Variants in ELFN2 observed in about 807,000 individuals in gnomAD.
The protein encoded by ELFN2 is protein phosphatase 1 regulatory subunit 29.
A neutral mutation model predicts 45.5 loss-of-function variants in ELFN2; 17 were observed. The ratio of observed to expected loss-of-function variants is 0.37; its 90% CI spans 0.26 to 0.56. The LOEUF (loss-of-function observed/expected upper bound fraction) is 0.56. Ranked by LOEUF, ELFN2 falls within the 20% of genes least tolerant of loss-of-function variation. ELFN2 has a pLI of 0.77. For synonymous variants in ELFN2, 550 were observed against 551.5 expected (o/e 1.00, Z 0.04); for missense variants, 922 against 1,183.2 (o/e 0.78, Z 3.24).
intron 2 of ELFN2, among the ~76,000 whole-genome samples, chr22:37,380,176 C>T (rs1456142974): frequency 1.3e-5 from 2 of 152,140 alleles, no homozygotes; most frequent in South Asian, 2.1e-4. Flanking sequence ...TGCACTGCGG[C>T]GTGTGGGAGG....
intron 1 of ELFN2, among the ~76,000 whole-genome samples, chr22:37,422,564 G>C (rs916639389): frequency 1.4e-4 from 22 of 151,910 alleles, no homozygotes; most frequent in African/African-American, 5.1e-4. Context: ...AATTAGCCGG[G>C]TGTGGTGGTG....
intron 2 of ELFN2, among the ~76,000 whole-genome samples, chr22:37,403,374 G>T (rs1037830824): frequency 6.6e-6 from 1 of 151,906 alleles, no homozygotes; most frequent in Non-Finnish European, 1.5e-5. Context: ...AGAGGGCAGG[G>T]CCAGGCTCCT....
Position 37,375,625 on chromosome 22 carries a change from G to A in ELFN2, c.-91C>T, listed in dbSNP as rs779048764. 3.5e-6 allele frequency: 5 copies of A among 1,418,964 alleles called. No individual in the cohort carries two copies. The highest frequency in any genetic ancestry group is 1.5e-5 in the African/African-American group (1 of 68,760). The allele number at this position is 1,418,964 out of a possible 1,614,324, so 87.9% of individuals were successfully genotyped here. ...TGGCAGTACAGTCCTCCCTGGGGCC[G>A]CCACCATCTTGGGGGCGACCCCCAG... On this transcript the variant is annotated 5_prime_UTR_variant, in exon 3 of 3. Transcript: ENST00000402918.
At chr22:37,361,176 A>C (rs1015544766) in intron 1 of ELFN2, among the ~76,000 whole-genome samples, 2 of 152,186 alleles carry the variant, frequency 1.3e-5, no homozygotes, top group African/African-American at 4.8e-5. Flanking sequence ...ATGTAGAAGA[A>C]GACTTGTGAG....
chr22:37,345,026 C>T (rs1026768521), intron 1 of ELFN2, among the ~76,000 whole-genome samples: 7 of 152,212 alleles, frequency 4.6e-5, no homozygotes, highest in Non-Finnish European at 7.4e-5. Flanking sequence ...GCCACGCTCC[C>T]GTCAGTCCCT....
intron 2 of ELFN2, among the ~76,000 whole-genome samples, chr22:37,387,914 C>G (rs375926459): frequency 7.8e-4 from 119 of 152,086 alleles, no homozygotes; most frequent in African/African-American, 2.8e-3. Context: ...CTCACTCGTC[C>G]ATGTCCACCT....
chr22:37,405,873 G>A lies in ELFN2; in HGVS notation c.-463+11896C>T, dbSNP rs1011605759. 2.0e-4 allele frequency among the ~76,000 whole-genome samples: 31 copies of A among 151,670 alleles called. 1 individual carries two copies. The highest frequency in any genetic ancestry group is 6.8e-4 in the African/African-American group (28 of 41,308). On this transcript the variant is annotated intron_variant, in intron 2 of 2. Transcript: ENST00000402918. ...TGGTCCTGGGCAGGCACAATGGCTC[G>A]CGCTTGTCATCTGAGCACCTTGGGA...
At chr22:37,345,161 C>G (rs1930666796) in intron 1 of ELFN2, among the ~76,000 whole-genome samples, 1 of 152,236 alleles carries the variant, frequency 6.6e-6, no homozygotes, top group Admixed American at 6.5e-5. Context: ...CACCTTTCAT[C>G]CTGACACACT....
rs769288474 is a variant in ELFN2 at position 37,373,283 on chromosome 22, T to C, written c.2252A>G (p.Tyr751Cys). ...GGGGCTGGAGGAGTACCCTGAGTAG[T>C]AGTGTCTGGGGGAGAGCTGCGAGTA... ...STYSQLSPRH[Y>C]YSGYSSSPEY... The change falls in exon 3 of 3, where the codon TAC (tyrosine) becomes TGC (cysteine). Residue 751 changes from tyrosine (Y) to cysteine (C), a missense_variant. Tyr to Cys is a radical substitution (Grantham distance 194). Coordinates refer to ENST00000402918, the MANE Select transcript of ELFN2 (RefSeq NM_052906.5). 8 of 1,613,504 alleles carry C rather than the reference T, an allele frequency of 5.0e-6. No individual in the cohort carries two copies. The highest frequency in any genetic ancestry group is 1.3e-5 in the African/African-American group (1 of 74,890).
chr22:37,387,230 C>A (rs1931971339), intron 2 of ELFN2, among the ~76,000 whole-genome samples: 1 of 152,218 alleles, frequency 6.6e-6, no homozygotes, highest in Non-Finnish European at 1.5e-5. Context: ...GCTCCCACCC[C>A]CACCTTCAGC....
intron 1 of ELFN2, among the ~76,000 whole-genome samples, chr22:37,357,218 C>T (rs1266793520): frequency 2.0e-5 from 3 of 152,184 alleles, no homozygotes; most frequent in East Asian, 1.9e-4. Flanking sequence ...CTGTCAGCTG[C>T]CTTTTTAGGA....
chr22:37,353,270 G>C (rs1930867326), intron 1 of ELFN2: 1 of 151,098 alleles, frequency 6.6e-6, no homozygotes, highest in African/African-American at 2.4e-5. Flanking sequence ...GGGGAGCGGA[G>C]GAGCAGAGTC....
At chr22:37,403,316 C>CCA (rs1259789363) in intron 2 of ELFN2, among the ~76,000 whole-genome samples, 2 of 152,142 alleles carry the variant, frequency 1.3e-5, no homozygotes, top group African/African-American at 4.8e-5. Context: ...GACATCCCTA[C>CCA]CACCACCTTC....
At chr22:37,351,397 C>A (rs1005204021) in intron 1 of ELFN2, among the ~76,000 whole-genome samples, 2 of 150,262 alleles carry the variant, frequency 1.3e-5, no homozygotes, top group Non-Finnish European at 3.0e-5. Flanking sequence ...TGTCTGGAAT[C>A]CTAATGCCCT....
At position 37,373,016 on chromosome 22, in the gene ELFN2, C is replaced by A. The variant is rs1931419910; in HGVS notation, c.*56G>T. The A allele has an allele frequency of 1.3e-5, 20 of 1,526,066 alleles. 1 individual carries two copies. The South Asian group carries it at 2.0e-4, about 16-fold the overall frequency. 94.5% of individuals were successfully genotyped at this position (1,526,066 alleles called of 1,614,324 possible). A position where few individuals can be genotyped will look rare whatever the true frequency, so the allele number is the denominator to read the frequency against. On this transcript the variant is annotated 3_prime_UTR_variant, in exon 3 of 3. Transcript: ENST00000402918. Reference sequence around the variant, plus strand: ...CCCCGCCCTGGCCGCCTGGACCCTTCCCCCAAAAGGCCCCCAGCCCTCTGG... The same window carrying A: ...CCCCGCCCTGGCCGCCTGGACCCTTACCCCAAAAGGCCCCCAGCCCTCTGG...
At chr22:37,394,463 G>T (rs753594) in intron 2 of ELFN2, among the ~76,000 whole-genome samples, 47 of 152,124 alleles carry the variant, frequency 3.1e-4, no homozygotes, top group Middle Eastern at 3.4e-3. Flanking sequence ...TGGCCCGGCC[G>T]CCTGTTCCAG....
chr22:37,367,141 G>A (rs1036985167), downstream of ELFN2, among the ~76,000 whole-genome samples: 4 of 152,346 alleles, frequency 2.6e-5, no homozygotes, highest in Non-Finnish European at 4.4e-5. Context: ...CGTAGCAATT[G>A]GAGAACAAGA....
intron 2 of ELFN2, among the ~76,000 whole-genome samples, chr22:37,413,751 C>T (rs889118791): frequency 2.6e-5 from 4 of 152,170 alleles, no homozygotes; most frequent in Non-Finnish European, 5.9e-5. Flanking sequence ...CCTGAGGTCA[C>T]ACAGCTAGCG....
Position 37,371,486 on chromosome 22 carries a change from C to T in ELFN2, c.*1586G>A, listed in dbSNP as rs910251806. 6.6e-6 allele frequency: 1 copy of T among 152,280 alleles called. No individual in the cohort carries two copies. Among genetic ancestry groups the T allele is most frequent in the African/African-American group, 2.4e-5 (1 of 41,446 alleles). The allele number at this position is 152,280 out of a possible 1,614,324, so 9.4% of individuals were successfully genotyped here. On this transcript the variant is annotated 3_prime_UTR_variant, in exon 3 of 3. Coordinates refer to ENST00000402918, the MANE Select transcript of ELFN2 (RefSeq NM_052906.5). The surrounding 1 kb of genome is among the most constrained non-coding windows in gnomAD (Gnocchi z 6.4). ...ACACCCCGCTGGGCCAGCTCCCACC[C>T]AGAGGTGAAGGATGATGGACTCCGG...
Sources: gnomAD v4.1 joint callset for allele counts (sites outside exome capture counted in the v4.1 genomes callset) on GRCh38, gnomAD v4.1.1 for gene constraint, Gnocchi (gnomAD v3.1) non-coding constraint, MANE v1.5 for transcripts, NCBI Gene and HGNC (gene_info 2026-07-23, HGNC 2026-07-21) for gene names.